PDE4D: variants seen among roughly 807,000 people sequenced by gnomAD.
The protein encoded by PDE4D is 3',5'-cyclic-AMP phosphodiesterase 4D.
In PDE4D, 24 loss-of-function variants were observed where a neutral mutation model predicts 87.4. The ratio of observed to expected loss-of-function variants is 0.27; its 90% CI spans 0.20 to 0.39. PDE4D has a LOEUF of 0.39. Among genes scored for constraint, PDE4D ranks in the 10% least tolerant of loss-of-function variants. The pLI is 1.00. For synonymous variants in PDE4D, 384 were observed against 383.2 expected (o/e 1.00, Z -0.02); for missense variants, 714 against 1,041.0 (o/e 0.69, Z 4.32).
chr5:60,036,641 T>C (rs1767836411), intron 2 of PDE4D, among the ~76,000 whole-genome samples: 1 of 152,250 alleles, frequency 6.6e-6, no homozygotes, highest in African/African-American at 2.4e-5. Flanking sequence ...AAAAAATTAA[T>C]AAGTCCTGAG....
intron 1 of PDE4D, among the ~76,000 whole-genome samples, chr5:59,565,116 G>A (rs182171574): frequency 4.6e-5 from 7 of 152,276 alleles, no homozygotes; most frequent in East Asian, 1.9e-4. Flanking sequence ...TAAAGAGGCT[G>A]GAAGAATGTG....
Position 59,507,983 on chromosome 5 carries a change from A to C in PDE4D, c.456-292015T>G, listed in dbSNP as rs182473455. Among the ~76,000 whole-genome samples the C allele has an allele frequency of 2.7e-3, 410 of 152,308 alleles. 2 individuals are homozygous for C. Among genetic ancestry groups the C allele is most frequent in the African/African-American group, 9.2e-3 (383 of 41,566 alleles). ...TTTTCCTCTTATGGTATAATTCAAC[A>C]AAATTTGCTCTAAAATTATACTGGA... On this transcript the variant is annotated intron_variant, in intron 1 of 14. Coordinates refer to ENST00000340635, the MANE Select transcript of PDE4D (RefSeq NM_001104631.2).
At chr5:59,039,682 G>C (rs901262057) in intron 5 of PDE4D, 6 of 228,374 alleles carry the variant, frequency 2.6e-5, no homozygotes, top group Non-Finnish European at 4.3e-5. Context: ...GTCCCTGTCC[G>C]TGCCACCCGC....
rs555002764 is a variant in PDE4D at position 59,994,898 on chromosome 5, C to A, written c.43-6181G>T. ...TTCCCAATTAATCATTTATTGAGCA[C>A]CTACTACCTTTGATGCTTGTGTCGG... On this transcript the variant is annotated intron_variant, in intron 2 of 16. Coordinates refer to the PDE4D transcript ENST00000502484. 2.0e-5 allele frequency among the ~76,000 whole-genome samples: 3 copies of A among 152,256 alleles called. 1 individual carries two copies. In the South Asian group the frequency reaches 6.2e-4, roughly 32 times the overall value.
chr5:59,749,766 C>T (rs972594023), intron 1 of PDE4D, among the ~76,000 whole-genome samples: 1 of 152,104 alleles, frequency 6.6e-6, no homozygotes, highest in Non-Finnish European at 1.5e-5. Context: ...ATTTTAATAA[C>T]TCTCAAGTGT....
chr5:59,032,813 G>T (rs970358486), intron 6 of PDE4D, among the ~76,000 whole-genome samples: 3 of 152,112 alleles, frequency 2.0e-5, no homozygotes, highest in Non-Finnish European at 4.4e-5. Context: ...ATAGCTAATG[G>T]TCTCAATAAC....
intron 1 of PDE4D, among the ~76,000 whole-genome samples, chr5:60,231,615 A>G (rs1048867185): frequency 1.3e-5 from 2 of 152,002 alleles, no homozygotes; most frequent in African/African-American, 4.8e-5. Context: ...ATACACGGGA[A>G]CATCTCAAAG....
At chr5:59,472,258 A>G (rs1802559983) in intron 1 of PDE4D, among the ~76,000 whole-genome samples, 1 of 152,204 alleles carries the variant, frequency 6.6e-6, no homozygotes, top group African/African-American at 2.4e-5. Flanking sequence ...ATCTTATTTG[A>G]AATCATACCA....
intron 2 of PDE4D, among the ~76,000 whole-genome samples, chr5:60,094,586 T>A (rs984124036): frequency 1.5e-5 from 2 of 134,602 alleles, no homozygotes; most frequent in South Asian, 5.2e-4. Context: ...GTGAGTGACA[T>A]GCTTTTTTTT....
intron 5 of PDE4D, among the ~76,000 whole-genome samples, chr5:59,081,703 C>T (rs756501149): frequency 1.4e-4 from 22 of 152,030 alleles, no homozygotes; most frequent in Non-Finnish European, 2.4e-4. Flanking sequence ...GGCTTAGTCT[C>T]TCAAAGTATT....
At chr5:59,127,066 A>T (rs575677248) in intron 5 of PDE4D, among the ~76,000 whole-genome samples, 1 of 152,320 alleles carries the variant, frequency 6.6e-6, no homozygotes, top group East Asian at 1.9e-4. Context: ...GCTGGAGGTG[A>T]TGTTCTTGGA....
At chr5:58,977,683 A>T (rs2153309737) in intron 11 of PDE4D, among the ~76,000 whole-genome samples, 1 of 152,280 alleles carries the variant, frequency 6.6e-6, no homozygotes, top group East Asian at 1.9e-4. Flanking sequence ...AGTATCTATA[A>T]CACATCCAGA....
intron 1 of PDE4D, among the ~76,000 whole-genome samples, chr5:60,351,781 T>TTTTTTTTATTTATTTA (rs1554020339): frequency 1.4e-5 from 2 of 147,126 alleles, no homozygotes; most frequent in Admixed American, 1.4e-4. Context: ...CACCTAATTA[T>TTTTTTTTATTTATTTA]TTTATTTATT....
intron 1 of PDE4D, among the ~76,000 whole-genome samples, chr5:60,430,585 C>G (rs1340327715): frequency 3.5e-5 from 5 of 144,034 alleles, no homozygotes; most frequent in Admixed American, 2.8e-4. Flanking sequence ...GGGTGTTTCT[C>G]GCAGAGGGGG....
chr5:59,392,575 T>C (rs1329447510), intron 1 of PDE4D, among the ~76,000 whole-genome samples: 1 of 151,584 alleles, frequency 6.6e-6, no homozygotes, highest in South Asian at 2.1e-4. Context: ...GTCATATTTA[T>C]TGAATCAACT....
At chr5:58,994,943 G>C (rs959794024) in intron 6 of PDE4D, among the ~76,000 whole-genome samples, 1 of 120,604 alleles carries the variant, frequency 8.3e-6, no homozygotes, top group African/African-American at 3.4e-5. Flanking sequence ...GCCCCAATGT[G>C]TGATGTTCCC....
At chr5:59,808,005 T>G (rs1389866590) in intron 1 of PDE4D, among the ~76,000 whole-genome samples, 1 of 152,244 alleles carries the variant, frequency 6.6e-6, no homozygotes, top group Non-Finnish European at 1.5e-5. Flanking sequence ...ATCACTACCT[T>G]AGACCCTTAT....
At chr5:59,556,197 C>T (rs936910730) in intron 1 of PDE4D, among the ~76,000 whole-genome samples, 22 of 152,284 alleles carry the variant, frequency 1.4e-4, no homozygotes, top group African/African-American at 5.3e-4. Flanking sequence ...TCACACTGCA[C>T]TACTAGTGGC....
chr5:60,103,188 G>T (rs138312483), intron 2 of PDE4D, among the ~76,000 whole-genome samples: 7 of 152,114 alleles, frequency 4.6e-5, no homozygotes, highest in African/African-American at 1.4e-4. Flanking sequence ...CTGACTCACC[G>T]CATGACAGAA....
Sources: gnomAD v4.1 joint callset for allele counts (sites outside exome capture counted in the v4.1 genomes callset) on GRCh38, gnomAD v4.1.1 for gene constraint, MANE v1.5 for transcripts, NCBI Gene and HGNC (gene_info 2026-07-23, HGNC 2026-07-21) for gene names.